The following GLMN variants were observed in gnomAD, a reference collection of about 807,000 sequenced individuals.
The protein encoded by GLMN is glomulin, FKBP associated protein.
GLMN carries 75 observed loss-of-function variants against 87.8 expected under a neutral mutation model. That is an observed-to-expected ratio of 0.85 (90% CI 0.71 to 1.04). GLMN has a LOEUF of 1.04. GLMN is among the 50% of genes least tolerant of loss of function. The pLI, the probability that GLMN is intolerant of heterozygous loss-of-function variation, is 0.00. For missense variants in GLMN, 588 were observed against 658.8 expected (o/e 0.89, Z 1.18); for synonymous variants, 206 against 221.6 (o/e 0.93, Z 0.63).
At chr1:92,323,118 G>A in the GLMN span, among the ~76,000 whole-genome samples, 2 of 146,868 alleles carry the variant, frequency 1.4e-5, no homozygotes, top group Non-Finnish European at 3.0e-5. Flanking sequence ...AATCCAAATA[G>A]TGCAGTAGGA....
chr1:92,298,932 A>G lies in GLMN; in HGVS notation c.-38T>C, dbSNP rs1426715938. On this transcript the variant is annotated 5_prime_UTR_variant, in exon 1 of 19. Transcript: ENST00000370360. ...CTCCACAACTCCACTTACCGGCCAG[A>G]ACCCTCGCCTCTCCCAGCCGCCGCC... is the stretch of plus-strand genomic sequence containing the variant. 2.1e-6 allele frequency: 1 copy of G among 478,612 alleles called. No individual in the cohort carries two copies. Among genetic ancestry groups the G allele is most frequent in the Non-Finnish European group, 3.7e-6 (1 of 268,858 alleles). 29.6% of individuals were successfully genotyped at this position (478,612 alleles called of 1,614,324 possible).
chr1:92,332,501 T>C, the GLMN span, among the ~76,000 whole-genome samples: 2 of 152,150 alleles, frequency 1.3e-5, no homozygotes, highest in Non-Finnish European at 2.9e-5. Context: ...AAACATTGTA[T>C]ATTAAAAATT....
the GLMN span, chr1:92,336,340 T>C: frequency 6.3e-7 from 1 of 1,598,566 alleles, no homozygotes; most frequent in East Asian, 2.2e-5. Flanking sequence ...AATTTTTAAA[T>C]TTTCAGGTTG....
intron 16 of GLMN, among the ~76,000 whole-genome samples, chr1:92,253,513 G>A (rs1038954993): frequency 1.3e-5 from 2 of 152,192 alleles, no homozygotes; most frequent in Non-Finnish European, 2.9e-5. Context: ...ACCTCATACA[G>A]GAGAGCTCCG....
rs191471208 is a variant in GLMN, at chr1:92,293,467, G to A, written c.166-1930C>T. Among the ~76,000 whole-genome samples, 819 of 151,972 alleles carry A rather than the reference G, an allele frequency of 5.4e-3. 14 individuals carry two copies. Among genetic ancestry groups the A allele is most frequent in the Middle Eastern group, 0.024 (7 of 294 alleles). ...GCTACAGGTGCCCGCCACCACTCCC[G>A]GCTAATTTTTTGTATTTTTTTTTTT... is the stretch of plus-strand genomic sequence containing the variant. On this transcript the variant is annotated intron_variant, in intron 3 of 18. Coordinates refer to ENST00000370360, the MANE Select transcript of GLMN (RefSeq NM_053274.3).
chr1:92,369,559 C>G, the GLMN span, among the ~76,000 whole-genome samples: 1 of 152,116 alleles, frequency 6.6e-6, no homozygotes, highest in Non-Finnish European at 1.5e-5. Context: ...CCTACCTCAG[C>G]CTTCCAATGC....
At chr1:92,355,025 A>T in the GLMN span, among the ~76,000 whole-genome samples, 1 of 151,698 alleles carries the variant, frequency 6.6e-6, no homozygotes, top group Non-Finnish European at 1.5e-5. Flanking sequence ...CAACCTCCCA[A>T]GTAGCTGGGA....
chr1:92,247,443 A>T (rs543574719), intron 17 of GLMN, among the ~76,000 whole-genome samples: 1 of 152,312 alleles, frequency 6.6e-6, no homozygotes, highest in Admixed American at 6.5e-5. Flanking sequence ...TAAAAACAAA[A>T]TTTCCGGTAA....
At chr1:92,294,173 T>C in intron 3 of GLMN, among the ~76,000 whole-genome samples, 1 of 152,176 alleles carries the variant, frequency 6.6e-6, no homozygotes, top group East Asian at 1.9e-4. Context: ...ATGATATTCT[T>C]ATTACACATT....
chr1:92,313,283 T>C, the GLMN span, among the ~76,000 whole-genome samples: 1 of 152,222 alleles, frequency 6.6e-6, no homozygotes, highest in Admixed American at 6.5e-5. Flanking sequence ...AGGAAATGTA[T>C]GTCTTAAGAC....
chr1:92,288,773 C>A, intron 6 of GLMN, 141 bp downstream of exon 6: 1 of 674,010 alleles, frequency 1.5e-6, no homozygotes, highest in South Asian at 1.7e-5. Context: ...CATGCTGTAT[C>A]AACTGAACCC....
chr1:92,307,292 G>A, the GLMN span: 6 of 1,513,632 alleles, frequency 4.0e-6, no homozygotes, highest in Non-Finnish European at 4.6e-6. Context: ...TTAAGTCATT[G>A]TGTATATACA....
At chr1:92,321,892 A>G in the GLMN span, among the ~76,000 whole-genome samples, 2 of 151,184 alleles carry the variant, frequency 1.3e-5, no homozygotes, top group African/African-American at 4.9e-5. Flanking sequence ...ATCTAAACAC[A>G]ATTCCTGTAA....
the GLMN span, among the ~76,000 whole-genome samples, chr1:92,340,715 A>G: frequency 2.0e-5 from 3 of 152,174 alleles, no homozygotes; most frequent in African/African-American, 7.2e-5. Context: ...AACATAAAGC[A>G]GCTTTTTCGG....
At chr1:92,298,545 T>G (rs2101080400) in intron 1 of GLMN, among the ~76,000 whole-genome samples, 1 of 152,288 alleles carries the variant, frequency 6.6e-6, no homozygotes, top group South Asian at 2.1e-4. Flanking sequence ...TCAGATGCCC[T>G]CCATTCCATT....
chr1:92,266,812 A>T, intron 11 of GLMN, 71 bp from the exon 12 acceptor site: 1 of 907,634 alleles, frequency 1.1e-6, no homozygotes, highest in East Asian at 2.4e-5. Context: ...ACTATAATAC[A>T]TCAATAGGAT....
intron 16 of GLMN, among the ~76,000 whole-genome samples, chr1:92,257,476 A>G (rs754833365): frequency 2.0e-5 from 3 of 152,332 alleles, no homozygotes; most frequent in South Asian, 2.1e-4. Context: ...TGGAGGCATC[A>G]TGCTACCTGA....
chr1:92,336,213 A>C, the GLMN span: 3 of 636,978 alleles, frequency 4.7e-6, no homozygotes, highest in Non-Finnish European at 5.6e-6. Flanking sequence ...ATCATAACCT[A>C]GGTTAACCTT....
In GLMN at chr1:92,272,491, T is replaced by C. The variant is rs532724283; in HGVS notation, c.736-839A>G. On this transcript the variant is annotated intron_variant, in intron 7 of 18. Transcript: ENST00000370360. ...TTTAAAATGATGAATTTTATGTATA[T>C]TTCACCACAATTTTTTTTAAAAAAG... 3.3e-5 allele frequency among the ~76,000 whole-genome samples: 5 copies of C among 152,314 alleles called. No homozygotes were observed. In the South Asian group the frequency reaches 1.0e-3, roughly 32 times the overall value.
Sources: gnomAD v4.1 joint callset for allele counts (sites outside exome capture counted in the v4.1 genomes callset) on GRCh38, gnomAD v4.1.1 for gene constraint, MANE v1.5 for transcripts, NCBI Gene and HGNC (gene_info 2026-07-23, HGNC 2026-07-21) for gene names.